The following IL1RAPL2 variants were observed in gnomAD, a reference collection of about 807,000 sequenced individuals.
IL1RAPL2 encodes the protein X-linked interleukin-1 receptor accessory protein-like 2.
Under a neutral mutation model 44.1 loss-of-function variants are expected in IL1RAPL2, and 3 were observed. The observed-to-expected ratio is 0.07, with a 90% CI of 0.03 to 0.18. The LOEUF (loss-of-function observed/expected upper bound fraction) is 0.18, where lower values mean the gene tolerates loss of function less well. Among genes scored for constraint, IL1RAPL2 ranks in the 10% least tolerant of loss-of-function variants. The pLI, the probability that IL1RAPL2 is intolerant of heterozygous loss-of-function variation, is 1.00. For missense variants in IL1RAPL2, 391 were observed against 496.4 expected (o/e 0.79, Z 2.02); for synonymous variants, 181 against 178.8 (o/e 1.01, Z -0.10).
At chrX:105,526,725 CT>C (rs1284767441) in intron 6 of IL1RAPL2, among the ~76,000 whole-genome samples, 2 of 111,414 alleles carry the variant, frequency 1.8e-5, no homozygotes. Context: ...TTCTTCTAAG[CT>C]TTACAACTTG....
intron 5 of IL1RAPL2, among the ~76,000 whole-genome samples, chrX:105,432,047 G>C (rs913681567): frequency 3.5e-4 from 37 of 105,970 alleles, no homozygotes; most frequent in African/African-American, 1.2e-3. Context: ...ACCAAACCAA[G>C]AACCTTCTTG....
rs1176039023 is a variant in IL1RAPL2, at chrX:105,713,606, A to G, written c.773-3761A>G. On this transcript the variant is annotated intron_variant, in intron 6 of 10. Coordinates refer to ENST00000372582, the MANE Select transcript of IL1RAPL2 (RefSeq NM_017416.2). ...TTTGCGATGAGATTTGGGTGGAAAC[A>G]CAGAGCCAAACCATATCAGAGCCCA... 2.3e-4 allele frequency among the ~76,000 whole-genome samples: 26 copies of G among 111,329 alleles called. No homozygotes were observed. In the Admixed American group the frequency reaches 2.5e-3, roughly 11 times the overall value.
intron 10 of IL1RAPL2, among the ~76,000 whole-genome samples, chrX:105,755,922 A>G (rs2038634561): frequency 8.9e-6 from 1 of 112,011 alleles, no homozygotes; most frequent in South Asian, 3.7e-4. Context: ...CACATTGAAG[A>G]CTATATTGAG....
At chrX:105,642,469 C>T (rs957413939) in intron 6 of IL1RAPL2, among the ~76,000 whole-genome samples, 2 of 111,852 alleles carry the variant, frequency 1.8e-5, no homozygotes, top group Non-Finnish European at 3.8e-5. Flanking sequence ...GACTTTTAAT[C>T]AACCTGAAGT....
intron 2 of IL1RAPL2, among the ~76,000 whole-genome samples, chrX:105,004,344 A>G (rs2030904631): frequency 1.8e-5 from 2 of 110,925 alleles, no homozygotes; most frequent in African/African-American, 6.5e-5. Context: ...TTGAAATCTT[A>G]TTAAAAGAGG....
At chrX:105,393,127 C>G (rs896336589) in intron 5 of IL1RAPL2, among the ~76,000 whole-genome samples, 1 of 111,645 alleles carries the variant, frequency 9.0e-6, no homozygotes, top group Admixed American at 9.5e-5. Context: ...AATCAGTCCC[C>G]CTGAAGGCTC....
intron 2 of IL1RAPL2, among the ~76,000 whole-genome samples, chrX:105,143,212 A>T (rs191818913): frequency 2.7e-5 from 3 of 111,777 alleles, no homozygotes; most frequent in Admixed American, 1.9e-4. Flanking sequence ...AAGGGCTAAT[A>T]TCCAGAATCT....
At chrX:105,545,150 C>T (rs1482265455) in intron 6 of IL1RAPL2, among the ~76,000 whole-genome samples, 1 of 111,772 alleles carries the variant, frequency 8.9e-6, no homozygotes, top group African/African-American at 3.3e-5. Context: ...TTTACCTTTT[C>T]CGTTGCTCTA....
intron 2 of IL1RAPL2, among the ~76,000 whole-genome samples, chrX:104,980,287 C>A (rs1010091149): frequency 1.8e-5 from 2 of 111,823 alleles, no homozygotes; most frequent in African/African-American, 6.5e-5. Flanking sequence ...TATGCATATA[C>A]GTGTGATGAT....
chrX:104,929,044 A>G (rs1468623004), intron 2 of IL1RAPL2, among the ~76,000 whole-genome samples: 1 of 111,766 alleles, frequency 8.9e-6, no homozygotes, highest in Non-Finnish European at 1.9e-5. Flanking sequence ...TTTACTAGAA[A>G]GAAAAGTATA....
chrX:104,996,595 A>C (rs1007901542), intron 2 of IL1RAPL2, among the ~76,000 whole-genome samples: 1 of 112,216 alleles, frequency 8.9e-6, no homozygotes, highest in African/African-American at 3.2e-5. Context: ...TCTTAAGTAG[A>C]TAACAAAGAA....
intron 2 of IL1RAPL2, among the ~76,000 whole-genome samples, chrX:104,984,349 C>A (rs769203021): frequency 2.7e-5 from 3 of 111,557 alleles, no homozygotes; most frequent in Non-Finnish European, 5.7e-5. Flanking sequence ...ACTGTTAAAC[C>A]TCCCCACTAG....
At chrX:105,049,064 C>T (rs1301647856) in intron 2 of IL1RAPL2, among the ~76,000 whole-genome samples, 1 of 111,527 alleles carries the variant, frequency 9.0e-6, no homozygotes, top group Non-Finnish European at 1.9e-5. Context: ...CCTATCCCCT[C>T]AATAAAACCT....
intron 7 of IL1RAPL2, among the ~76,000 whole-genome samples, chrX:105,722,186 T>C (rs1012433675): frequency 8.9e-6 from 1 of 111,991 alleles, no homozygotes; most frequent in Admixed American, 9.5e-5. Flanking sequence ...TAGGCAACTG[T>C]AACACCATGG....
intron 2 of IL1RAPL2, among the ~76,000 whole-genome samples, chrX:105,106,144 G>C (rs2032740997): frequency 8.9e-6 from 1 of 112,092 alleles, no homozygotes; most frequent in African/African-American, 3.2e-5. Context: ...TGATTCTTAA[G>C]TTTGAAAATG....
intron 1 of IL1RAPL2, among the ~76,000 whole-genome samples, chrX:104,636,228 G>T (rs1470513206): frequency 1.8e-5 from 2 of 111,595 alleles, no homozygotes; most frequent in African/African-American, 3.3e-5. Context: ...GAGTACCCGG[G>T]CATGTGAGGT....
chrX:105,401,578 A>G (rs1040377157), intron 5 of IL1RAPL2, among the ~76,000 whole-genome samples: 1 of 110,747 alleles, frequency 9.0e-6, no homozygotes, highest in Admixed American at 9.6e-5. Context: ...GGCTAGGTAA[A>G]ATTTCTTCCA....
At chrX:105,686,622 T>C (rs149541108) in intron 6 of IL1RAPL2, among the ~76,000 whole-genome samples, 1,637 of 110,453 alleles carry the variant, frequency 0.015, 30 homozygotes, top group African/African-American at 0.051. Context: ...ACAATAATAA[T>C]GGGAGACTTT....
chrX:105,088,655 A>G (rs115844491), intron 2 of IL1RAPL2, among the ~76,000 whole-genome samples: 9,223 of 111,129 alleles, frequency 0.083, 978 homozygotes, highest in African/African-American at 0.29. Context: ...CACTCTACAC[A>G]TGATGTTGGG....
Sources: gnomAD v4.1 joint callset for allele counts (sites outside exome capture counted in the v4.1 genomes callset) on GRCh38, gnomAD v4.1.1 for gene constraint, MANE v1.5 for transcripts, NCBI Gene and HGNC (gene_info 2026-07-23, HGNC 2026-07-21) for gene names.